The following KCNMB2 variants were observed in gnomAD, a reference collection of about 807,000 sequenced individuals.
KCNMB2 encodes potassium calcium-activated channel subfamily M regulatory beta subunit 2, also known as calcium-activated potassium channel subunit beta-2.
Under a neutral mutation model 24.5 loss-of-function variants are expected in KCNMB2, and 9 were observed. The observed-to-expected ratio is 0.37, with a 90% CI of 0.22 to 0.64. KCNMB2 has a LOEUF of 0.64. Among genes scored for constraint, KCNMB2 ranks in the 30% least tolerant of loss-of-function variants. The probability of loss-of-function intolerance (pLI) is 0.63; values close to 1 mark genes in which losing one functional copy is unlikely to be tolerated. For synonymous variants in KCNMB2, 109 were observed against 104.4 expected, an observed-to-expected ratio of 1.04 and a Z score of -0.27; for missense variants, 226 against 284.3, an observed-to-expected ratio of 0.79 and a Z score of 1.47.
rs138882514 is a variant in KCNMB2, at chr3:178,794,630, C to T, written c.-67-12713C>T. On this transcript the variant is annotated intron_variant, in intron 1 of 4. Coordinates refer to ENST00000452583, the MANE Select transcript of KCNMB2 (RefSeq NM_181361.3). ...GATAGAATCAAGAATCAAAAAATGA[C>T]GATTATAACCAGCTCAGAAGCAGTG... Among the ~76,000 whole-genome samples the T allele has an allele frequency of 3.0e-3, 464 of 152,254 alleles. 2 individuals are homozygous for T. The highest frequency in any genetic ancestry group is 0.011 in the African/African-American group (440 of 41,548).
At chr3:178,551,472 AC>A (rs2108455089) in intron 1 of KCNMB2, among the ~76,000 whole-genome samples, 1 of 152,234 alleles carries the variant, frequency 6.6e-6, no homozygotes, top group South Asian at 2.1e-4. Context: ...CTAACTATGA[AC>A]CCATCACTTC....
intron 1 of KCNMB2, among the ~76,000 whole-genome samples, chr3:178,742,021 A>G (rs574127999): frequency 1.2e-3 from 180 of 152,366 alleles, no homozygotes; most frequent in Non-Finnish European, 3.2e-4. Flanking sequence ...GCACTGATTT[A>G]TGAACATAAT....
At position 178,774,957 on chromosome 3, in the gene KCNMB2, T is replaced by C. The variant is rs1283051363; in HGVS notation, c.-67-32386T>C. 5.3e-5 allele frequency among the ~76,000 whole-genome samples: 8 copies of C among 152,148 alleles called. No homozygotes were observed. In the East Asian group the frequency reaches 1.3e-3, roughly 26 times the overall value. On this transcript the variant is annotated intron_variant, in intron 1 of 4. Coordinates refer to ENST00000452583, the MANE Select transcript of KCNMB2 (RefSeq NM_181361.3). ...GCTCTTCTGTGAGGTTGCAAAAGAGTTCAACTTCTGGAGGTTACCAAGCCT... is the reference window on the plus strand; with the variant it reads ...GCTCTTCTGTGAGGTTGCAAAAGAGCTCAACTTCTGGAGGTTACCAAGCCT...
chr3:178,614,252 T>TATAC (rs1718604269), intron 1 of KCNMB2, among the ~76,000 whole-genome samples: 1 of 19,204 alleles, frequency 5.2e-5, no homozygotes, highest in Non-Finnish European at 8.9e-5. Flanking sequence ...TAATTTTATA[T>TATAC]ATATATATAT....
At chr3:178,610,226 TG>T (rs1718434149) in intron 1 of KCNMB2, among the ~76,000 whole-genome samples, 1 of 152,190 alleles carries the variant, frequency 6.6e-6, no homozygotes, top group Admixed American at 6.5e-5. Flanking sequence ...TCCAGTTTTT[TG>T]CTTAGGATAG....
chr3:178,666,812 C>T (rs1002268140), intron 1 of KCNMB2, among the ~76,000 whole-genome samples: 11 of 152,224 alleles, frequency 7.2e-5, no homozygotes, highest in Admixed American at 6.5e-4. Flanking sequence ...TCCCCCCATC[C>T]AAAGTTCATA....
intron 1 of KCNMB2, among the ~76,000 whole-genome samples, chr3:178,747,948 T>C (rs917660362): frequency 5.9e-5 from 9 of 152,246 alleles, no homozygotes; most frequent in Non-Finnish European, 2.9e-5. Flanking sequence ...AGGAGTCTGT[T>C]TGCATGGCAG....
intron 1 of KCNMB2, among the ~76,000 whole-genome samples, chr3:178,674,192 T>C (rs1209363079): frequency 6.6e-6 from 1 of 152,016 alleles, no homozygotes; most frequent in Non-Finnish European, 1.5e-5. Context: ...CTACCTCTTC[T>C]CTTCTCTTTC....
intron 1 of KCNMB2, among the ~76,000 whole-genome samples, chr3:178,704,092 CAA>C (rs1335029601): frequency 6.6e-6 from 1 of 152,050 alleles, no homozygotes; most frequent in Non-Finnish European, 1.5e-5. Flanking sequence ...TAGAAATTGA[CAA>C]AGTCTTTTTA....
chr3:178,785,398 ATAAT>A (rs1386533202), intron 1 of KCNMB2, among the ~76,000 whole-genome samples: 1 of 152,014 alleles, frequency 6.6e-6, no homozygotes, highest in Non-Finnish European at 1.5e-5. Context: ...AGTAATAACA[ATAAT>A]TGATAATTGC....
chr3:178,550,499 G>T (rs925413020), intron 1 of KCNMB2, among the ~76,000 whole-genome samples: 1 of 150,246 alleles, frequency 6.7e-6, no homozygotes, highest in African/African-American at 2.5e-5. Flanking sequence ...CCCCACGAAG[G>T]CATTATAATA....
intron 1 of KCNMB2, among the ~76,000 whole-genome samples, chr3:178,607,343 A>G (rs1172002429): frequency 6.6e-6 from 1 of 152,216 alleles, no homozygotes; most frequent in Non-Finnish European, 1.5e-5. Flanking sequence ...AGAAATCAAA[A>G]GACAGGCAGG....
At chr3:178,576,018 C>G (rs1716975284) in intron 1 of KCNMB2, among the ~76,000 whole-genome samples, 1 of 152,030 alleles carries the variant, frequency 6.6e-6, no homozygotes, top group Admixed American at 6.6e-5. Context: ...CTATATCACT[C>G]TAAGCTTATA....
chr3:178,725,556 A>G (rs2108362222), intron 1 of KCNMB2, among the ~76,000 whole-genome samples: 1 of 152,116 alleles, frequency 6.6e-6, no homozygotes, highest in South Asian at 2.1e-4. Flanking sequence ...TATACACGTG[A>G]TATCTTTCAA....
At chr3:178,559,269 T>C (rs2108462272) in intron 1 of KCNMB2, among the ~76,000 whole-genome samples, 1 of 152,284 alleles carries the variant, frequency 6.6e-6, no homozygotes, top group South Asian at 2.1e-4. Flanking sequence ...TAGTTGGATT[T>C]AGGGTTATTC....
At chr3:178,736,068 CA>C (rs1723306733) in intron 1 of KCNMB2, among the ~76,000 whole-genome samples, 1 of 152,120 alleles carries the variant, frequency 6.6e-6, no homozygotes, top group Non-Finnish European at 1.5e-5. Context: ...AGAGGAGACA[CA>C]AGGATTGCCC....
intron 1 of KCNMB2, among the ~76,000 whole-genome samples, chr3:178,569,469 A>T (rs1290607871): frequency 2.6e-5 from 4 of 152,176 alleles, no homozygotes; most frequent in Admixed American, 1.3e-4. Flanking sequence ...AAGGATGTAG[A>T]AGAAACAAAA....
intron 1 of KCNMB2, among the ~76,000 whole-genome samples, chr3:178,569,090 CT>C (rs11366372): frequency 0.24 from 36,544 of 151,906 alleles, 5,094 homozygotes; most frequent in East Asian, 0.41. Context: ...AATGTTCTCT[CT>C]TTATTTCTTG....
At chr3:178,733,599 G>A (rs1170902844) in intron 1 of KCNMB2, among the ~76,000 whole-genome samples, 1 of 152,268 alleles carries the variant, frequency 6.6e-6, no homozygotes, top group African/African-American at 2.4e-5. Context: ...TCTTGCCTCA[G>A]CCTCCCTAGT....
Sources: allele counts gnomAD v4.1 joint callset (sites outside exome capture counted in the v4.1 genomes callset), GRCh38; gene constraint gnomAD v4.1.1; transcripts MANE v1.5; gene names NCBI Gene and HGNC (gene_info 2026-07-23, HGNC 2026-07-21).